The following RABGAP1 variants were observed in gnomAD, a reference collection of about 807,000 sequenced individuals.
The protein encoded by RABGAP1 is RAB GTPase activating protein 1.
RABGAP1 carries 23 observed loss-of-function variants against 137.6 expected under a neutral mutation model. That is an observed-to-expected ratio of 0.17 (90% confidence interval 0.12 to 0.24). RABGAP1 has a LOEUF of 0.24. RABGAP1 is among the 10% of genes least tolerant of loss of function. RABGAP1 has a pLI of 1.00. For synonymous variants in RABGAP1, 451 were observed against 450.7 expected (o/e 1.00, Z -0.01); for missense variants, 906 against 1,275.8 (o/e 0.71, Z 4.42).
intron 13 of RABGAP1, among the ~76,000 whole-genome samples, chr9:123,039,849 T>C (rs1399490701): frequency 6.6e-6 from 1 of 152,154 alleles, no homozygotes; most frequent in Non-Finnish European, 1.5e-5. Context: ...TGGTTTTGCT[T>C]TTGTCTCCCT....
At chr9:122,934,704 C>T in the RABGAP1 span, among the ~76,000 whole-genome samples, 1 of 151,660 alleles carries the variant, frequency 6.6e-6, no homozygotes, top group Non-Finnish European at 1.5e-5. Context: ...TTTTTTGAGA[C>T]AGAGTCTCAC....
At chr9:123,057,402 C>T (rs2033768985) in intron 13 of RABGAP1, among the ~76,000 whole-genome samples, 1 of 151,636 alleles carries the variant, frequency 6.6e-6, no homozygotes, top group Non-Finnish European at 1.5e-5. Context: ...AGGTGCTCCT[C>T]ACATCCCAGA....
intron 23 of RABGAP1, 108 bp from the exon 24 acceptor site, chr9:123,099,370 A>G (rs1297051228): frequency 2.9e-6 from 3 of 1,040,224 alleles, no homozygotes; most frequent in Non-Finnish European, 4.4e-6. Flanking sequence ...GTAGCAGGCT[A>G]TTTGCTACTA....
At chr9:122,951,491 A>G (rs1834242853) in intron 1 of RABGAP1, among the ~76,000 whole-genome samples, 1 of 152,194 alleles carries the variant, frequency 6.6e-6, no homozygotes, top group African/African-American at 2.4e-5. Flanking sequence ...AAGGACTCTT[A>G]AAAGAGGTTT....
At position 122,987,963 on chromosome 9, in the gene RABGAP1, A is replaced by G. The variant is rs549503422; in HGVS notation, c.591-1334A>G. ...AGAAGTATTTTGGACTTTCATGGTGACAGAGTAATAGCTGTGTGTTGATTG... is the reference window on the plus strand; with the variant it reads ...AGAAGTATTTTGGACTTTCATGGTGGCAGAGTAATAGCTGTGTGTTGATTG... On this transcript the variant is annotated intron_variant, in intron 4 of 25. Coordinates refer to ENST00000373647, the MANE Select transcript of RABGAP1 (RefSeq NM_012197.4). Among the ~76,000 whole-genome samples, 50 of 152,316 alleles carry G rather than the reference A, an allele frequency of 3.3e-4. 2 individuals carry two copies. The South Asian group carries it at 9.1e-3, about 28-fold the overall frequency.
intron 13 of RABGAP1, chr9:123,035,808 G>A: frequency 2.0e-6 from 1 of 499,240 alleles, no homozygotes; most frequent in Non-Finnish European, 3.5e-6. Flanking sequence ...TTTCAAAAGT[G>A]CTTGTGAATT....
intron 6 of RABGAP1, chr9:122,990,802 T>TAC: frequency 1.6e-5 from 1 of 63,598 alleles, no homozygotes; most frequent in Non-Finnish European, 2.5e-5. Context: ...AAAAAATATA[T>TAC]ATATATATAT....
intron 10 of RABGAP1, among the ~76,000 whole-genome samples, chr9:123,005,488 C>A (rs1048258437): frequency 1.3e-5 from 2 of 152,096 alleles, no homozygotes; most frequent in East Asian, 3.8e-4. Flanking sequence ...TAACTTCCTT[C>A]TGAAATAAAA....
rs1672976251 is a variant in RABGAP1 at position 123,031,356 on chromosome 9, T to C, written c.1794+10897T>C. 3.9e-5 allele frequency among the ~76,000 whole-genome samples: 6 copies of C among 152,126 alleles called. No individual in the cohort carries two copies. In the South Asian group the frequency reaches 1.0e-3, roughly 26 times the overall value. ...GTTTAAAAATAAAGTCTATGGCAAG[T>C]GTATAGAAGTAATCTGATTTGGCTG... On this transcript the variant is annotated intron_variant, in intron 13 of 25. Transcript: ENST00000373647.
At chr9:122,931,698 A>G in the RABGAP1 span, among the ~76,000 whole-genome samples, 1 of 152,182 alleles carries the variant, frequency 6.6e-6, no homozygotes, top group Admixed American at 6.5e-5. Context: ...TACTCTGGGC[A>G]CTAGCTTCAC....
intron 23 of RABGAP1, 132 bp from the exon 24 acceptor site, chr9:123,099,346 T>TC (rs2035274808): frequency 3.8e-6 from 3 of 788,116 alleles, no homozygotes; most frequent in Admixed American, 4.7e-5. Context: ...CGACTTCATA[T>TC]CCCCTCCTGA....
chr9:123,010,216 A>T, intron 10 of RABGAP1, 138 bp from the exon 11 acceptor site: 1 of 730,126 alleles, frequency 1.4e-6, no homozygotes, highest in East Asian at 2.9e-5. Flanking sequence ...AACATCATTT[A>T]TTTTCACATC....
intron 10 of RABGAP1, among the ~76,000 whole-genome samples, chr9:123,004,997 A>C (rs2030084224): frequency 1.4e-5 from 2 of 144,836 alleles, no homozygotes; most frequent in South Asian, 4.4e-4. Flanking sequence ...TAGAAGTTGC[A>C]GTGAGCCGAG....
chr9:123,041,308 C>G (rs1404376951), intron 13 of RABGAP1, among the ~76,000 whole-genome samples: 4 of 152,148 alleles, frequency 2.6e-5, no homozygotes, highest in African/African-American at 9.7e-5. Context: ...AGCCTATGTT[C>G]TTGCCTTAAT....
At chr9:122,985,598 C>A (rs915742849) in intron 3 of RABGAP1, among the ~76,000 whole-genome samples, 1 of 117,272 alleles carries the variant, frequency 8.5e-6, no homozygotes. Flanking sequence ...GGCGACAGAG[C>A]GAGACTCCGT....
intron 22 of RABGAP1, among the ~76,000 whole-genome samples, chr9:123,098,124 A>G (rs1306041083): frequency 6.6e-6 from 1 of 152,228 alleles, no homozygotes; most frequent in African/African-American, 2.4e-5. Context: ...CTGCAGAAGG[A>G]AAGCACACAT....
intron 11 of RABGAP1, among the ~76,000 whole-genome samples, chr9:123,012,307 C>T (rs573426501): frequency 6.6e-6 from 1 of 152,182 alleles, no homozygotes; most frequent in Admixed American, 6.5e-5. Flanking sequence ...TAGGTCAACA[C>T]TGGTTAAGAT....
intron 13 of RABGAP1, chr9:123,035,258 G>A (rs1271849578): frequency 1.1e-5 from 17 of 1,614,002 alleles, no homozygotes; most frequent in South Asian, 8.8e-5. Context: ...AGGCAAGCCC[G>A]CTTCAGCAGC....
intron 17 of RABGAP1, 78 bp downstream of exon 17, chr9:123,074,506 G>T: frequency 7.1e-7 from 1 of 1,412,484 alleles, no homozygotes; most frequent in South Asian, 1.4e-5. Context: ...TTGAGTGTCA[G>T]CTCTGTCAAA....
Sources: allele counts gnomAD v4.1 joint callset (sites outside exome capture counted in the v4.1 genomes callset), GRCh38; gene constraint gnomAD v4.1.1; transcripts MANE v1.5; gene names NCBI Gene and HGNC (gene_info 2026-07-23, HGNC 2026-07-21).